TJP1: variants seen among roughly 807,000 people sequenced by gnomAD.
TJP1 encodes tight junction protein 1.
TJP1 carries 43 observed loss-of-function variants against 194.2 expected under a neutral mutation model. That is an observed-to-expected ratio of 0.22 (90% CI 0.17 to 0.29). The LOEUF is 0.29. TJP1 is among the 10% of genes least tolerant of loss of function. TJP1 has a pLI of 1.00. For missense variants in TJP1, 1,971 were observed against 2,185.7 expected (o/e 0.90, Z 1.96); for synonymous variants, 801 against 779.0 (o/e 1.03, Z -0.47).
rs1159456373 is a variant in TJP1 at position 29,726,460 on chromosome 15, T to C, written c.2331A>G (p.Ser777=). 1 of 1,613,966 alleles carries C rather than the reference T, an allele frequency of 6.2e-7. No homozygotes were observed. Among genetic ancestry groups the C allele is most frequent in the African/African-American group, 1.3e-5 (1 of 74,948 alleles). The change falls in exon 18 of 28, where the codon TCA becomes TCG. Residue 777 remains serine, a synonymous_variant. Coordinates refer to ENST00000614355, the MANE Select transcript of TJP1 (RefSeq NM_001330239.4). ...GCGCACCATACCAACCATCATTCATTGAATTTAAGTTAATTGTAGCTGAAA... is the reference window on the plus strand; with the variant it reads ...GCGCACCATACCAACCATCATTCATCGAATTTAAGTTAATTGTAGCTGAAA... The part of the protein sequence containing the change: ...HLFTTTINLN[S]MNDGWYGALK...
chr15:29,840,458 G>A (rs534389048), intron 2 of TJP1, among the ~76,000 whole-genome samples: 1 of 152,202 alleles, frequency 6.6e-6, no homozygotes, highest in Non-Finnish European at 1.5e-5. Flanking sequence ...AAATGTAGGT[G>A]AGGATAGACG....
At position 29,968,477 on chromosome 15, in the gene TJP1, C is replaced by G. The variant is rs562712644; in HGVS notation, c.173+190G>C. 323 of 929,390 alleles carry G rather than the reference C, an allele frequency of 3.5e-4. 4 individuals are homozygous for G. The South Asian group carries it at 0.014, about 39-fold the overall frequency. 57.6% of individuals were successfully genotyped at this position (929,390 alleles called of 1,614,324 possible). ...CAGTCAGCGGGCACGCGGTACAAGG[C>G]GGCGCTCGGCCCTGGGCTCGGCCTT... is the stretch of plus-strand genomic sequence containing the variant. On this transcript the variant is annotated intron_variant, in intron 1 of 28. Transcript: ENST00000356107.
intron 15 of TJP1, among the ~76,000 whole-genome samples, chr15:29,729,747 G>A (rs984276781): frequency 3.3e-5 from 5 of 151,714 alleles, no homozygotes; most frequent in Non-Finnish European, 7.4e-5. Flanking sequence ...ATGAACCCAG[G>A]AGGTGAAACT....
chr15:29,830,523 T>A (rs2050805518), intron 2 of TJP1, among the ~76,000 whole-genome samples: 1 of 150,678 alleles, frequency 6.6e-6, no homozygotes, highest in East Asian at 1.9e-4. Flanking sequence ...TATTAGTGTA[T>A]AATAATGCTA....
intron 2 of TJP1, among the ~76,000 whole-genome samples, chr15:29,776,517 C>T (rs902233148): frequency 6.6e-6 from 1 of 152,134 alleles, no homozygotes; most frequent in African/African-American, 2.4e-5. Context: ...ATGCCAAAAA[C>T]TTAATAAATG....
intron 2 of TJP1, among the ~76,000 whole-genome samples, chr15:29,949,142 TTCA>T (rs2055403046): frequency 1.9e-4 from 20 of 103,808 alleles, no homozygotes; most frequent in Non-Finnish European, 8.0e-5. Context: ...CACCTCCACC[TTCA>T]CCACCTCCAC....
chr15:29,798,555 C>T (rs1487981971), intron 2 of TJP1, among the ~76,000 whole-genome samples: 1 of 152,048 alleles, frequency 6.6e-6, no homozygotes, highest in African/African-American at 2.4e-5. Flanking sequence ...GATGAGGATA[C>T]GCAACAACGG....
rs746244455 is a variant in TJP1, at chr15:29,719,065, T to C, written c.3077A>G (p.His1026Arg). The C allele has an allele frequency of 4.3e-6, 7 of 1,614,148 alleles. No homozygotes were observed. The South Asian group carries it at 7.7e-5, about 18-fold the overall frequency. Reference sequence around the variant, plus strand: ...CTCTTTGTCTGGCCTGTGCCCTGGGTGACTAACGGCTGGCTGTTTCAAAAC... The same window carrying C: ...CTCTTTGTCTGGCCTGTGCCCTGGGCGACTAACGGCTGGCTGTTTCAAAAC... ...NHVLKQPAVS[H>R]PGHRPDKEPN... The change falls in exon 21 of 28, where the codon CAC (histidine) becomes CGC (arginine). Residue 1026 changes from histidine to arginine, a missense_variant. This residue lies in a region of TJP1 where 1,108 missense variants were observed against 1,128.5 expected (regional missense o/e 0.98). Coordinates refer to ENST00000614355, the MANE Select transcript of TJP1 (RefSeq NM_001330239.4).
At chr15:29,746,513 A>G (rs970774593) in intron 8 of TJP1, among the ~76,000 whole-genome samples, 1 of 152,228 alleles carries the variant, frequency 6.6e-6, no homozygotes, top group Non-Finnish European at 1.5e-5. Context: ...ATGTTTGCAC[A>G]TGCCCATGTA....
intron 26 of TJP1, among the ~76,000 whole-genome samples, chr15:29,705,002 A>G (rs2041804372): frequency 6.6e-6 from 1 of 152,252 alleles, no homozygotes; most frequent in South Asian, 2.1e-4. Context: ...TAGATCCAGG[A>G]GGATTATGAA....
chr15:29,701,463 A>G lies in TJP1; in HGVS notation c.*132T>C. On this transcript the variant is annotated 3_prime_UTR_variant, in exon 28 of 28. Coordinates refer to ENST00000614355, the MANE Select transcript of TJP1 (RefSeq NM_001330239.4). Reference sequence around the variant, plus strand: ...AGGGGCATGCTCACTCATCTTTATCAGTTCAAACAAATGCCTCATACTAAC... The same window carrying G: ...AGGGGCATGCTCACTCATCTTTATCGGTTCAAACAAATGCCTCATACTAAC... The G allele has an allele frequency of 1.5e-6, 1 of 671,234 alleles. No homozygotes were observed. 41.6% of individuals were successfully genotyped at this position (671,234 alleles called of 1,614,324 possible).
intron 2 of TJP1, among the ~76,000 whole-genome samples, chr15:29,893,298 A>G (rs2053371994): frequency 1.3e-5 from 2 of 152,234 alleles, no homozygotes; most frequent in South Asian, 2.1e-4. Flanking sequence ...TCGAGATAGA[A>G]TCTACTCCTG....
At chr15:29,737,139 T>G (rs975419059) in intron 11 of TJP1, 125 bp downstream of exon 11, 2 of 1,201,934 alleles carry the variant, frequency 1.7e-6, no homozygotes, top group African/African-American at 1.5e-5. Context: ...CTTTCAAAGT[T>G]TAACTGGCTC....
At chr15:29,720,050 T>C in intron 19 of TJP1, 34 bp from the exon 20 acceptor site, 1 of 1,555,790 alleles carries the variant, frequency 6.4e-7, no homozygotes, top group Non-Finnish European at 8.7e-7. Flanking sequence ...AAATATAGTG[T>C]TTCTGTTTAC....
At chr15:29,800,849 T>C in intron 1 of TJP1, 147 bp from the exon 2 acceptor site, 2 of 729,042 alleles carry the variant, frequency 2.7e-6, no homozygotes, top group South Asian at 2.4e-5. Context: ...TTAATAATTA[T>C]GGAAAGTTTT....
At chr15:29,705,115 A>AT (rs2041811694) in intron 26 of TJP1, among the ~76,000 whole-genome samples, 1 of 152,344 alleles carries the variant, frequency 6.6e-6, no homozygotes, top group African/African-American at 2.4e-5. Flanking sequence ...GGGGTGATGA[A>AT]TAAGACAGTA....
At chr15:29,716,879 A>G in intron 22 of TJP1, 41 bp from the exon 23 acceptor site, 1 of 1,500,846 alleles carries the variant, frequency 6.7e-7, no homozygotes, top group Non-Finnish European at 9.2e-7. Context: ...CTTTTTAAAT[A>G]TTAATGTTAT....
chr15:29,701,523 C>A lies in TJP1; in HGVS notation c.*72G>T, dbSNP rs2041539717. ...TATCAACTCTAAAAAAGGTATAATA[C>A]TTGATAGAGTGGTTCCATTTAGATT... On this transcript the variant is annotated 3_prime_UTR_variant, in exon 28 of 28. Coordinates refer to ENST00000614355, the MANE Select transcript of TJP1 (RefSeq NM_001330239.4). 1.6e-6 allele frequency: 2 copies of A among 1,267,106 alleles called. No homozygotes were observed. The highest frequency in any genetic ancestry group is 1.8e-5 in the Admixed American group (1 of 55,674). 78.5% of individuals were successfully genotyped at this position (1,267,106 alleles called of 1,614,324 possible).
intron 2 of TJP1, among the ~76,000 whole-genome samples, chr15:29,923,302 T>G (rs150584134): frequency 3.3e-4 from 51 of 152,302 alleles, no homozygotes; most frequent in African/African-American, 1.1e-3. Context: ...TTCACAAAAA[T>G]GACTACTGCT....
Sources: allele counts gnomAD v4.1 joint callset (sites outside exome capture counted in the v4.1 genomes callset), GRCh38; gene constraint gnomAD v4.1.1; regional missense constraint gnomAD v4.1.1; transcripts MANE v1.5; gene names NCBI Gene and HGNC (gene_info 2026-07-23, HGNC 2026-07-21).